The following PAEP variants were observed in gnomAD, a reference collection of about 807,000 sequenced individuals.
PAEP encodes the protein progestagen associated endometrial protein, also known as glycodelin.
In PAEP, 28 loss-of-function variants were observed where a neutral mutation model predicts 23.0. The ratio of observed to expected loss-of-function variants is 1.22; its 90% CI spans 0.90 to 1.67. The LOEUF is 1.67. Among genes scored for constraint, PAEP ranks in the 40% most tolerant of loss-of-function variants. The probability of loss-of-function intolerance (pLI) is 0.00; values close to 1 mark genes in which losing one functional copy is unlikely to be tolerated. For missense variants in PAEP, 209 were observed against 226.4 expected (o/e 0.92, Z 0.49); for synonymous variants, 103 against 92.4 (o/e 1.12, Z -0.66).
intron 3 of PAEP, among the ~76,000 whole-genome samples, chr9:135,563,354 T>TTAGGTGAACAGGTAGGCAGGTGGA (rs1832410259): frequency 7.7e-6 from 1 of 130,198 alleles, no homozygotes; most frequent in Non-Finnish European, 1.7e-5. Context: ...GAGCAGGTGG[T>TTAGGTGAACAGGTAGGCAGGTGGA]TAGGTGAACA....
Position 135,564,320 on chromosome 9 carries a change from C to G in PAEP, c.387C>G (p.Thr129=), listed in dbSNP as rs1259452306. 4.5e-6 allele frequency: 7 copies of G among 1,551,488 alleles called. No individual in the cohort carries two copies. Among genetic ancestry groups the G allele is most frequent in the Non-Finnish European group, 6.1e-6 (7 of 1,147,382 alleles). The part of the protein sequence containing the change: ...NFLFLCLQDT[T]TPIQSMMCQY... ...TGTTTCTCTGCCTACAGGACACCAC[C>G]ACCCCCATCCAGAGCATGATGTGCC... is the stretch of plus-strand genomic sequence containing the variant. Residue 129 remains threonine (T), a synonymous_variant, in exon 4 of 7, where the codon ACC becomes ACG. Transcript: ENST00000479141.
At chr9:135,561,934 G>A (rs528071120) in intron 1 of PAEP, 37 bp downstream of exon 1, 59 of 1,486,448 alleles carry the variant, frequency 4.0e-5, no homozygotes, top group South Asian at 1.9e-4. Context: ...TACTGTGGGA[G>A]GCCTGGGGCG....
chr9:135,564,952 A>G (rs372330702), intron 4 of PAEP: 7 of 864,788 alleles, frequency 8.1e-6, no homozygotes, highest in Non-Finnish European at 9.7e-6. Flanking sequence ...CCTGAAACCT[A>G]TGATGCTGTC....
chr9:135,565,627 C>G (rs1832542602), intron 5 of PAEP, 113 bp downstream of exon 5: 2 of 1,326,882 alleles, frequency 1.5e-6, no homozygotes, highest in Non-Finnish European at 2.2e-6. Flanking sequence ...TTGGCCCCTC[C>G]CCTGTTCTCC....
rs770786483 is a variant in PAEP at position 135,562,311 on chromosome 9, C to T, written c.114C>T (p.His38=). ...CCCCTCAGTTGGCAGGGACCTGGCA[C>T]TCCATGGCCATGGCGACCAACAACA... The part of the protein sequence containing the change: ...LELPKLAGTW[H]SMAMATNNIS... The change falls in exon 2 of 7, where the codon CAC becomes CAT. Residue 38 remains histidine (H), a synonymous_variant. Transcript: ENST00000479141. The T allele has an allele frequency of 5.0e-6, 8 of 1,613,996 alleles. No individual in the cohort carries two copies. The highest frequency in any genetic ancestry group is 1.3e-5 in the African/African-American group (1 of 75,060).
intron 6 of PAEP, 52 bp downstream of exon 6, chr9:135,565,853 T>C: frequency 6.2e-7 from 1 of 1,604,748 alleles, no homozygotes; most frequent in Non-Finnish European, 8.5e-7. Context: ...CCTCGCCCAC[T>C]GTCTGCGGCT....
rs773879248 is a variant in PAEP, at chr9:135,562,475, T to G, written c.236+42T>G. On this transcript the variant is annotated intron_variant, in intron 2 of 6. Transcript: ENST00000479141. Reference sequence around the variant, plus strand: ...TGAGACGGGCTGGGCGGGGGCTCAGTCTCCCCCCTCAGGGGTCCAGGACTG... The same window carrying G: ...TGAGACGGGCTGGGCGGGGGCTCAGGCTCCCCCCTCAGGGGTCCAGGACTG... 2.5e-6 allele frequency: 4 copies of G among 1,600,258 alleles called. No individual in the cohort carries two copies. The South Asian group carries it at 4.5e-5, about 18-fold the overall frequency.
At chr9:135,562,706 G>T in intron 2 of PAEP, 114 bp from the exon 3 acceptor site, 1 of 925,360 alleles carries the variant, frequency 1.1e-6, no homozygotes, top group Non-Finnish European at 1.7e-6. Flanking sequence ...GGCGGCTGCG[G>T]GCTGCGGTGC....
At position 135,564,800 on chromosome 9, in the gene PAEP, G is replaced by A. The variant is rs189045888; in HGVS notation, c.421+446G>A. The A allele has an allele frequency of 2.1e-5, 21 of 985,396 alleles. No homozygotes were observed. The East Asian group carries it at 4.5e-4, about 21-fold the overall frequency. The allele number at this position is 985,396 out of a possible 1,614,324, so 61.0% of individuals were successfully genotyped here. A position where few individuals can be genotyped will look rare whatever the true frequency, so the allele number is the denominator to read the frequency against. ...ATTACAGGCGTGAGCCACCACGCCC[G>A]GCCAGGCTGAGTTTTTCTCCAGCGG... On this transcript the variant is annotated intron_variant, in intron 4 of 6. Coordinates refer to ENST00000479141, the MANE Select transcript of PAEP (RefSeq NM_002571.4).
intron 1 of PAEP, 53 bp from the exon 2 acceptor site, chr9:135,562,241 G>A (rs1832332631): frequency 1.3e-6 from 2 of 1,594,198 alleles, no homozygotes; most frequent in Non-Finnish European, 1.7e-6. Context: ...TGCACCGGGT[G>A]CAACGAGAGC....
rs1564250960 is a variant in PAEP at position 135,565,424 on chromosome 9, G to A, written c.436G>A (p.Glu146Lys). 1.9e-6 allele frequency: 3 copies of A among 1,614,088 alleles called. No individual in the cohort carries two copies. The highest frequency in any genetic ancestry group is 2.5e-6 in the Non-Finnish European group (3 of 1,179,952). Reference sequence around the variant, plus strand: ...CTCTTCCACAGCCAGAGTCCTGGTGGAGGACGATGAGATCATGCAGGGATT... The same window carrying A: ...CTCTTCCACAGCCAGAGTCCTGGTGAAGGACGATGAGATCATGCAGGGATT... ...MCQYLARVLV[E>K]DDEIMQGFIR... is the part of the protein sequence containing the mutation. The change falls in exon 5 of 7, where the codon GAG (glutamate) becomes AAG (lysine). Residue 146 changes from glutamate (E) to lysine (K), a missense_variant. By Grantham distance (56) the Glu-to-Lys change is moderately conservative (BLOSUM62 1). Transcript: ENST00000479141.
chr9:135,565,865 C>T (rs982695220), intron 6 of PAEP, 64 bp downstream of exon 6: 7 of 1,556,044 alleles, frequency 4.5e-6, no homozygotes, highest in Non-Finnish European at 6.2e-6. Flanking sequence ...TCTGCGGCTG[C>T]CTCTCTGGGC....
intron 1 of PAEP, 139 bp from the exon 2 acceptor site, chr9:135,562,155 A>G (rs1832327228): frequency 2.9e-6 from 3 of 1,020,990 alleles, no homozygotes; most frequent in Non-Finnish European, 4.2e-6. Flanking sequence ...AGGAAATTTC[A>G]TAGCCCAGGA....
At chr9:135,565,586 G>A in intron 5 of PAEP, 72 bp downstream of exon 5, 2 of 1,471,348 alleles carry the variant, frequency 1.4e-6, no homozygotes, top group Non-Finnish European at 1.9e-6. Flanking sequence ...CGAGCCCCCT[G>A]CTGGCTCTGC....
At chr9:135,564,577 C>A in intron 4 of PAEP, 1 of 783,262 alleles carries the variant, frequency 1.3e-6, no homozygotes, top group Non-Finnish European at 1.5e-6. Context: ...GATCTCGGCT[C>A]ACTGCAACTT....
chr9:135,565,270 C>T, intron 4 of PAEP, 140 bp from the exon 5 acceptor site: 1 of 703,964 alleles, frequency 1.4e-6, no homozygotes, highest in Non-Finnish European at 2.5e-6. Context: ...GCCCTAGGGA[C>T]CTACTCCAGA....
intron 5 of PAEP, 84 bp downstream of exon 5, chr9:135,565,598 G>T: frequency 1.4e-6 from 2 of 1,427,226 alleles, no homozygotes; most frequent in Non-Finnish European, 2.0e-6. Context: ...TGGCTCTGCA[G>T]GACTCAGGTC....
chr9:135,562,728 G>T (rs113678897), intron 2 of PAEP, 92 bp from the exon 3 acceptor site: 4 of 1,082,406 alleles, frequency 3.7e-6, no homozygotes, highest in African/African-American at 3.1e-5. Flanking sequence ...CCTTGGACCC[G>T]GGGAAGTTCC....
At chr9:135,562,681 TGAG>T in intron 2 of PAEP, 136 bp from the exon 3 acceptor site, 1 of 835,188 alleles carries the variant, frequency 1.2e-6, no homozygotes, top group South Asian at 1.6e-5. Flanking sequence ...CAGGTCAGAC[TGAG>T]GAGAAGGTCT....
Sources: allele counts gnomAD v4.1 joint callset (sites outside exome capture counted in the v4.1 genomes callset), GRCh38; gene constraint gnomAD v4.1.1; transcripts MANE v1.5; gene names NCBI Gene and HGNC (gene_info 2026-07-23, HGNC 2026-07-21).